The following CSMD1 variants were observed in gnomAD, a reference collection of about 807,000 sequenced individuals.
CSMD1 encodes the protein CUB and Sushi multiple domains 1.
In CSMD1, 213 loss-of-function variants were observed where a neutral mutation model predicts 417.5. The observed-to-expected ratio is 0.51, with a 90% CI of 0.46 to 0.57. The LOEUF (loss-of-function observed/expected upper bound fraction) is 0.57. Ranked by LOEUF, CSMD1 falls within the 20% of genes least tolerant of loss-of-function variation. CSMD1 has a pLI of 0.00. For synonymous variants in CSMD1, 2,862 were observed against 1,736.8 expected (o/e 1.65, Z -16.11); for missense variants, 6,923 against 4,529.7 (o/e 1.53, Z -15.17).
At chr8:4,119,503 T>C (rs1421166686) in intron 3 of CSMD1, among the ~76,000 whole-genome samples, 1 of 152,164 alleles carries the variant, frequency 6.6e-6, no homozygotes, top group Non-Finnish European at 1.5e-5. Context: ...CTCAATGTCC[T>C]GGTATTTGTA....
chr8:3,394,097 G>T lies in CSMD1; in HGVS notation c.2593+2097C>A, dbSNP rs994208189. On this transcript the variant is annotated intron_variant, in intron 17 of 69. Coordinates refer to ENST00000635120, the MANE Select transcript of CSMD1 (RefSeq NM_033225.6). ...GGCAAAGAGCTTTACTCTCTGAGGG[G>T]TACTCCAGGTGATGGAAGAATGCCT... Among the ~76,000 whole-genome samples, 33 of 136,968 alleles carry T rather than the reference G, an allele frequency of 2.4e-4. No individual in the cohort carries two copies. In the Middle Eastern group the frequency reaches 0.012, roughly 50 times the overall value. 89.9% of individuals were successfully genotyped at this position (136,968 alleles called of 152,430 possible).
At chr8:3,618,777 A>G (rs1207604921) in intron 7 of CSMD1, among the ~76,000 whole-genome samples, 1 of 152,182 alleles carries the variant, frequency 6.6e-6, no homozygotes, top group Non-Finnish European at 1.5e-5. Context: ...ATAGGACTAT[A>G]TTTCATGATG....
chr8:4,279,102 C>T (rs987278495), intron 3 of CSMD1, among the ~76,000 whole-genome samples: 1 of 151,978 alleles, frequency 6.6e-6, no homozygotes, highest in African/African-American at 2.4e-5. Flanking sequence ...TTTTAAAAAA[C>T]ACCAACCGTA....
chr8:4,550,795 G>C (rs1797837988), intron 2 of CSMD1, among the ~76,000 whole-genome samples: 1 of 152,096 alleles, frequency 6.6e-6, no homozygotes, highest in Non-Finnish European at 1.5e-5. Context: ...TATCAACACA[G>C]TGCTCTACAA....
At chr8:4,783,551 T>A (rs1447753949) in intron 1 of CSMD1, among the ~76,000 whole-genome samples, 5 of 152,202 alleles carry the variant, frequency 3.3e-5, no homozygotes, top group African/African-American at 1.2e-4. Context: ...CTTTCCCTGG[T>A]TCTAAGGAAA....
At chr8:4,876,724 C>G (rs371730149) in intron 1 of CSMD1, among the ~76,000 whole-genome samples, 1 of 152,042 alleles carries the variant, frequency 6.6e-6, no homozygotes, top group African/African-American at 2.4e-5. Flanking sequence ...AATATCATGA[C>G]CTCTTTCTTG....
intron 25 of CSMD1, 34 bp downstream of exon 25, chr8:3,307,661 T>A (rs1563253612): frequency 6.2e-7 from 1 of 1,605,158 alleles, no homozygotes; most frequent in East Asian, 2.2e-5. Context: ...ATATCTCTTT[T>A]CTCAAATCAC....
At chr8:3,401,477 C>CCGATG (rs1483655688) in intron 15 of CSMD1, among the ~76,000 whole-genome samples, 1 of 151,992 alleles carries the variant, frequency 6.6e-6, no homozygotes, top group African/African-American at 2.4e-5. Context: ...AATAACACTG[C>CCGATG]CGATGAGCAA....
Position 4,231,641 on chromosome 8 carries a change from G to A in CSMD1, c.415+188312C>T, listed in dbSNP as rs367898368. Among the ~76,000 whole-genome samples the A allele has an allele frequency of 2.9e-4, 44 of 152,232 alleles. No homozygotes were observed. The East Asian group carries it at 7.9e-3, about 27-fold the overall frequency. ...GAGTCAGATATCTTCTTTACTGCAG[G>A]CTCTGTCTGATAAGTAGGCTATTAA... On this transcript the variant is annotated intron_variant, in intron 3 of 69. Transcript: ENST00000635120.
intron 1 of CSMD1, among the ~76,000 whole-genome samples, chr8:4,785,795 G>A (rs962225249): frequency 6.6e-6 from 1 of 152,142 alleles, no homozygotes; most frequent in African/African-American, 2.4e-5. Flanking sequence ...TAAGATATAA[G>A]TGTTGCCCAG....
At chr8:3,920,307 T>G (rs1224386105) in intron 5 of CSMD1, among the ~76,000 whole-genome samples, 2 of 152,090 alleles carry the variant, frequency 1.3e-5, no homozygotes, top group African/African-American at 4.8e-5. Flanking sequence ...AGTGCTGAGA[T>G]TATAGGAGTG....
At chr8:4,779,586 G>T (rs1797044001) in intron 1 of CSMD1, among the ~76,000 whole-genome samples, 1 of 152,162 alleles carries the variant, frequency 6.6e-6, no homozygotes, top group Admixed American at 6.5e-5. Flanking sequence ...TTAGCTCAAA[G>T]GAACACAGGA....
At chr8:4,272,613 T>C (rs1489820524) in intron 3 of CSMD1, among the ~76,000 whole-genome samples, 1 of 152,190 alleles carries the variant, frequency 6.6e-6, no homozygotes, top group Non-Finnish European at 1.5e-5. Context: ...TATGTGCCTG[T>C]TTTTGTTGAA....
chr8:4,376,596 G>A (rs1240308001), intron 3 of CSMD1, among the ~76,000 whole-genome samples: 2 of 150,960 alleles, frequency 1.3e-5, no homozygotes, highest in Non-Finnish European at 2.9e-5. Flanking sequence ...GAGTTAGTCT[G>A]ACAATTTTTA....
intron 3 of CSMD1, among the ~76,000 whole-genome samples, chr8:4,343,870 C>A (rs1255843204): frequency 6.6e-6 from 1 of 152,092 alleles, no homozygotes; most frequent in Non-Finnish European, 1.5e-5. Context: ...GCATATGGCC[C>A]TGGTCAACTC....
chr8:4,415,525 C>T (rs986988839), intron 3 of CSMD1, among the ~76,000 whole-genome samples: 4 of 152,194 alleles, frequency 2.6e-5, no homozygotes, highest in Non-Finnish European at 4.4e-5. Flanking sequence ...TGCTCTTCCG[C>T]CCTGTTTTAT....
chr8:4,215,124 A>T (rs1039046952), intron 3 of CSMD1, among the ~76,000 whole-genome samples: 2 of 152,172 alleles, frequency 1.3e-5, no homozygotes, highest in Admixed American at 1.3e-4. Flanking sequence ...CTCAGTTCTC[A>T]GGGTGCCAAC....
intron 2 of CSMD1, among the ~76,000 whole-genome samples, chr8:4,424,872 C>A (rs1462362613): frequency 6.6e-6 from 1 of 151,946 alleles, no homozygotes; most frequent in African/African-American, 2.4e-5. Flanking sequence ...TGTATAATTT[C>A]TTTTAACTAC....
intron 54 of CSMD1, among the ~76,000 whole-genome samples, chr8:2,993,951 C>G (rs1206766817): frequency 1.3e-5 from 2 of 150,102 alleles, no homozygotes; most frequent in Non-Finnish European, 3.0e-5. Flanking sequence ...CAAGACCAGC[C>G]TGACCCACAT....
Sources: gnomAD v4.1 joint callset for allele counts (sites outside exome capture counted in the v4.1 genomes callset) on GRCh38, gnomAD v4.1.1 for gene constraint, MANE v1.5 for transcripts, NCBI Gene and HGNC (gene_info 2026-07-23, HGNC 2026-07-21) for gene names.